The following TENM4 variants were observed in gnomAD, a reference collection of about 807,000 sequenced individuals.
The protein encoded by TENM4 is teneurin transmembrane protein 4.
In TENM4, 82 loss-of-function variants were observed where a neutral mutation model predicts 243.3. The ratio of observed to expected loss-of-function variants is 0.34; its 90% CI spans 0.28 to 0.40. The LOEUF (loss-of-function observed/expected upper bound fraction) is 0.40. Ranked by LOEUF, TENM4 falls within the 10% of genes least tolerant of loss-of-function variation. The pLI is 1.00. For missense variants in TENM4, 3,138 were observed against 3,673.3 expected, an observed-to-expected ratio of 0.85 and a Z score of 3.77; for synonymous variants, 1,412 against 1,456.3, an observed-to-expected ratio of 0.97 and a Z score of 0.69.
intron 3 of TENM4, among the ~76,000 whole-genome samples, chr11:79,200,674 C>A (rs1863721296): frequency 6.6e-6 from 1 of 152,236 alleles, no homozygotes; most frequent in African/African-American, 2.4e-5. Context: ...CACATGGATG[C>A]CTTTCAATTC....
rs1795158931 is a variant in TENM4 at position 78,692,138 on chromosome 11, C to A, written c.5088-3912G>T. Among the ~76,000 whole-genome samples the A allele has an allele frequency of 1.3e-5, 2 of 152,196 alleles. 1 individual carries two copies. The highest frequency in any genetic ancestry group is 4.8e-5 in the African/African-American group (2 of 41,442). ...TCCCGGCCCCATGATTAGGTGGCAT[C>A]TGGACAATGGCTTAGTTACATTTGT... is the stretch of plus-strand genomic sequence containing the variant. On this transcript the variant is annotated intron_variant, in intron 28 of 33. Coordinates refer to ENST00000278550, the MANE Select transcript of TENM4 (RefSeq NM_001098816.3).
At chr11:79,397,214 T>C (rs1858362888) in intron 1 of TENM4, among the ~76,000 whole-genome samples, 1 of 152,248 alleles carries the variant, frequency 6.6e-6, no homozygotes, top group South Asian at 2.1e-4. Context: ...GGTAGCCCAC[T>C]ATGTACCAGG....
chr11:79,293,636 G>C (rs1369405788), intron 2 of TENM4, among the ~76,000 whole-genome samples: 1 of 152,056 alleles, frequency 6.6e-6, no homozygotes, highest in East Asian at 1.9e-4. Context: ...GAAGTGCAGC[G>C]ACTAAGGGGT....
chr11:79,043,108 C>T (rs891205435), intron 6 of TENM4, among the ~76,000 whole-genome samples: 8 of 152,210 alleles, frequency 5.3e-5, no homozygotes, highest in African/African-American at 1.9e-4. Context: ...TGGCTCCCTC[C>T]TCTCAGAGCT....
intron 1 of TENM4, among the ~76,000 whole-genome samples, chr11:79,332,041 G>A (rs1301271609): frequency 2.6e-5 from 4 of 152,214 alleles, no homozygotes; most frequent in Admixed American, 6.5e-5. Flanking sequence ...GCTGTTCACC[G>A]AGCATGTACT....
Position 79,438,915 on chromosome 11 carries a change from G to C in TENM4, c.-321+1594C>G, listed in dbSNP as rs929221411. ...GCACAAGTGGGCGCCGTGGTGCGAG[G>C]CGTATCCTAGCTACCCAGGCCGGGG... is the stretch of plus-strand genomic sequence containing the variant. On this transcript the variant is annotated intron_variant, in intron 1 of 33. Coordinates refer to ENST00000278550, the MANE Select transcript of TENM4 (RefSeq NM_001098816.3). This position sits in a 1 kb window ranked among gnomAD's most constrained non-coding sequence, Gnocchi z 4.1. 4 of 152,148 alleles carry C rather than the reference G, an allele frequency of 2.6e-5. No individual in the cohort carries two copies. The highest frequency in any genetic ancestry group is 5.9e-5 in the Non-Finnish European group (4 of 68,050). 9.4% of individuals were successfully genotyped at this position (152,148 alleles called of 1,614,324 possible).
chr11:79,353,674 A>G (rs1471898577), intron 1 of TENM4, among the ~76,000 whole-genome samples: 1 of 151,994 alleles, frequency 6.6e-6, no homozygotes, highest in Non-Finnish European at 1.5e-5. Context: ...TAGCTTATAT[A>G]TCCACTGCCA....
chr11:78,953,090 G>A (rs572450854), intron 6 of TENM4, among the ~76,000 whole-genome samples: 3 of 152,176 alleles, frequency 2.0e-5, no homozygotes, highest in Non-Finnish European at 4.4e-5. Flanking sequence ...CAACTCTGGG[G>A]GAAGGCCAGC....
At chr11:78,759,196 T>C (rs528324872) in intron 18 of TENM4, among the ~76,000 whole-genome samples, 248 of 152,208 alleles carry the variant, frequency 1.6e-3, no homozygotes, top group Non-Finnish European at 1.5e-3. Flanking sequence ...CTGTCCCAGC[T>C]CCCAGATACA....
At chr11:79,214,514 T>C (rs772937798) in intron 3 of TENM4, among the ~76,000 whole-genome samples, 1 of 152,234 alleles carries the variant, frequency 6.6e-6, no homozygotes, top group Admixed American at 6.5e-5. Flanking sequence ...TCAGAAGTTA[T>C]GTAAGGTCCA....
chr11:79,409,099 TGTGCGCGCGCGCGC>T (rs1363912304), intron 1 of TENM4, among the ~76,000 whole-genome samples: 67 of 101,090 alleles, frequency 6.6e-4, no homozygotes, highest in African/African-American at 2.5e-3. Flanking sequence ...TGTGTGTGTG[TGTGCGCGCGCGCGC>T]GTGCGTGCAC....
chr11:79,184,383 ACAAT>A (rs371494010), intron 3 of TENM4, among the ~76,000 whole-genome samples: 3 of 152,198 alleles, frequency 2.0e-5, no homozygotes, highest in African/African-American at 7.2e-5. Flanking sequence ...TGCTCAGTTA[ACAAT>A]AGGGTTCGCA....
At position 79,429,333 on chromosome 11, in the gene TENM4, C is replaced by T. The variant is rs945668954; in HGVS notation, c.-321+11176G>A. ...CCTCTATTCACATCCTTCCCCCTCCCGCCTCCTCCCCAATAAACACCTGCA... is the reference window on the plus strand; with the variant it reads ...CCTCTATTCACATCCTTCCCCCTCCTGCCTCCTCCCCAATAAACACCTGCA... On this transcript the variant is annotated intron_variant, in intron 1 of 33. Transcript: ENST00000278550. Among the ~76,000 whole-genome samples the T allele has an allele frequency of 5.3e-5, 8 of 152,246 alleles. No individual in the cohort carries two copies. In the South Asian group the frequency reaches 1.2e-3, roughly 24 times the overall value.
intron 26 of TENM4, among the ~76,000 whole-genome samples, chr11:78,710,228 G>A (rs949880003): frequency 9.9e-5 from 15 of 152,220 alleles, no homozygotes; most frequent in African/African-American, 3.4e-4. Context: ...ATAAAACAGG[G>A]ATTCTAACAT....
intron 26 of TENM4, among the ~76,000 whole-genome samples, chr11:78,710,421 G>A (rs949937771): frequency 6.6e-6 from 1 of 152,218 alleles, no homozygotes; most frequent in Non-Finnish European, 1.5e-5. Context: ...AGCACCAACT[G>A]TTCCTTCTTA....
intron 2 of TENM4, among the ~76,000 whole-genome samples, chr11:79,242,839 C>T (rs1397011482): frequency 6.6e-6 from 1 of 152,216 alleles, no homozygotes; most frequent in African/African-American, 2.4e-5. Flanking sequence ...GGCATGTAGA[C>T]TTTTTTGAGG....
intron 2 of TENM4, among the ~76,000 whole-genome samples, chr11:79,267,123 C>A (rs2135337242): frequency 6.6e-6 from 1 of 152,270 alleles, no homozygotes; most frequent in South Asian, 2.1e-4. Context: ...ACCTTCCTCT[C>A]CCTTTCTCAC....
In TENM4 at chr11:78,669,045, C is replaced by T. The variant is rs201676053; in HGVS notation, c.7300G>A (p.Glu2434Lys). The T allele has an allele frequency of 2.7e-4, 430 of 1,613,776 alleles. 1 individual carries two copies. The highest frequency in any genetic ancestry group is 6.5e-4 in the Admixed American group (39 of 59,996). Residue 2434 changes from glutamate (E) to lysine (K), a missense_variant, in exon 32 of 34, where the codon GAG becomes AAG. By Grantham distance (56) the Glu-to-Lys change is moderately conservative. Coordinates refer to ENST00000278550, the MANE Select transcript of TENM4 (RefSeq NM_001098816.3). The surrounding 1 kb of genome is among the most constrained non-coding windows in gnomAD (Gnocchi z 6.4). ...LAGRWTSPDH[E>K]LWKHLSSSNV... The stretch of plus-strand genomic sequence containing the variant: ...CTGCTACTAAGGTGCTTCCACAGCT[C>T]GTGGTCTGGGCTAGTCCAGCGTCCG...
At chr11:79,084,089 T>C (rs1232824141) in intron 4 of TENM4, among the ~76,000 whole-genome samples, 2 of 152,192 alleles carry the variant, frequency 1.3e-5, no homozygotes, top group Non-Finnish European at 2.9e-5. Context: ...AAAGGATATA[T>C]ACACATGGCA....
Sources: allele counts gnomAD v4.1 joint callset (sites outside exome capture counted in the v4.1 genomes callset), GRCh38; gene constraint gnomAD v4.1.1; non-coding constraint Gnocchi (gnomAD v3.1); transcripts MANE v1.5; gene names NCBI Gene and HGNC (gene_info 2026-07-23, HGNC 2026-07-21).